The following TCF4 variants were observed in gnomAD, a reference collection of about 807,000 sequenced individuals.
The protein encoded by TCF4 is transcription factor 4.
Under a neutral mutation model 82.1 loss-of-function variants are expected in TCF4, and 3 were observed. The observed-to-expected ratio is 0.04, with a 90% CI of 0.02 to 0.09. The LOEUF (loss-of-function observed/expected upper bound fraction) is 0.09, where lower values mean the gene tolerates loss of function less well. TCF4 is among the 10% of genes least tolerant of loss of function. The pLI is 1.00. For synonymous variants in TCF4, 276 were observed against 309.6 expected, an observed-to-expected ratio of 0.89 and a Z score of 1.14; for missense variants, 518 against 852.7, an observed-to-expected ratio of 0.61 and a Z score of 4.89.
chr18:55,314,478 A>G (rs2073525901), intron 8 of TCF4, among the ~76,000 whole-genome samples: 1 of 151,944 alleles, frequency 6.6e-6, no homozygotes, highest in Non-Finnish European at 1.5e-5. Context: ...TCAGTACTTA[A>G]CTGGATAGGG....
At chr18:55,619,641 A>C (rs2097715699) in intron 2 of TCF4, among the ~76,000 whole-genome samples, 1 of 152,180 alleles carries the variant, frequency 6.6e-6, no homozygotes, top group Non-Finnish European at 1.5e-5. Flanking sequence ...AAGTGCCTTA[A>C]TGTCCTTGTA....
chr18:55,513,555 AT>A (rs1241542281), intron 3 of TCF4, among the ~76,000 whole-genome samples: 1 of 152,060 alleles, frequency 6.6e-6, no homozygotes, highest in Non-Finnish European at 1.5e-5. Flanking sequence ...GCTTCTTATA[AT>A]TTTTCCATAA....
At chr18:55,590,784 A>G (rs1284845812), upstream of TCF4, among the ~76,000 whole-genome samples, 2 of 152,260 alleles carry the variant, frequency 1.3e-5, no homozygotes, top group African/African-American at 4.8e-5. Flanking sequence ...CAGTGTTCCT[A>G]TAACTTCACA....
At chr18:55,257,674 G>A (rs1340384587) in intron 13 of TCF4, among the ~76,000 whole-genome samples, 1 of 152,152 alleles carries the variant, frequency 6.6e-6, no homozygotes, top group East Asian at 1.9e-4. Flanking sequence ...GGTTCCTGTG[G>A]AAGAAAAACT....
At chr18:55,348,375 C>T (rs539194880) in intron 8 of TCF4, among the ~76,000 whole-genome samples, 52 of 152,184 alleles carry the variant, frequency 3.4e-4, no homozygotes, top group Non-Finnish European at 6.0e-4. Context: ...CAAAATGTTT[C>T]ATAAGGACCA....
At chr18:55,321,435 G>A in intron 8 of TCF4, 1 of 638,336 alleles carries the variant, frequency 1.6e-6, no homozygotes, top group Non-Finnish European at 2.7e-6. Flanking sequence ...ACTCTCTAAA[G>A]CTCTGAAAGC....
chr18:55,460,892 T>C, intron 5 of TCF4, 127 bp downstream of exon 5: 1 of 794,146 alleles, frequency 1.3e-6, no homozygotes. Flanking sequence ...AATTTAAGAT[T>C]ATTACAAGTG....
At chr18:55,511,702 A>G (rs1356566299) in intron 3 of TCF4, among the ~76,000 whole-genome samples, 3 of 152,138 alleles carry the variant, frequency 2.0e-5, no homozygotes, top group Non-Finnish European at 4.4e-5. Flanking sequence ...AGTTTTACCT[A>G]AACTAAATTA....
chr18:55,524,777 G>A (rs1057041428), intron 3 of TCF4, among the ~76,000 whole-genome samples: 1 of 152,068 alleles, frequency 6.6e-6, no homozygotes, highest in African/African-American at 2.4e-5. Context: ...TTTCCCATCT[G>A]GTGTGCTGCT....
intron 2 of TCF4, among the ~76,000 whole-genome samples, chr18:55,625,839 C>T (rs1026945784): frequency 1.6e-4 from 25 of 152,242 alleles, no homozygotes; most frequent in African/African-American, 5.5e-4. Flanking sequence ...TATATCCATC[C>T]AAATACGATT....
chr18:55,383,089 C>T (rs1390847991), intron 6 of TCF4, among the ~76,000 whole-genome samples: 2 of 152,170 alleles, frequency 1.3e-5, no homozygotes, highest in Admixed American at 6.5e-5. Flanking sequence ...AAAGGAGTTG[C>T]CTGAAATTTC....
intron 5 of TCF4, among the ~76,000 whole-genome samples, chr18:55,408,271 G>A (rs1328342596): frequency 6.6e-6 from 1 of 152,104 alleles, no homozygotes; most frequent in Non-Finnish European, 1.5e-5. Context: ...GATGCTGCAG[G>A]ACAACACCAA....
At chr18:55,484,171 G>A (rs942137090) in intron 3 of TCF4, among the ~76,000 whole-genome samples, 1 of 152,180 alleles carries the variant, frequency 6.6e-6, no homozygotes, top group Non-Finnish European at 1.5e-5. Context: ...TTGGATGAAA[G>A]ATGTTCTCTG....
At chr18:55,288,406 G>C (rs1175772633) in intron 8 of TCF4, among the ~76,000 whole-genome samples, 1 of 152,206 alleles carries the variant, frequency 6.6e-6, no homozygotes, top group Non-Finnish European at 1.5e-5. Flanking sequence ...TAAGGGATCT[G>C]AGGCACAGAG....
chr18:55,572,445 G>C (rs1454564781), intron 3 of TCF4, among the ~76,000 whole-genome samples: 2 of 152,080 alleles, frequency 1.3e-5, no homozygotes, highest in Non-Finnish European at 2.9e-5. Context: ...AGAGAGAGAG[G>C]TGGTCAACAG....
At chr18:55,460,927 A>G (rs1455646395) in intron 5 of TCF4, 92 bp downstream of exon 5, 1 of 1,141,328 alleles carries the variant, frequency 8.8e-7, no homozygotes, top group African/African-American at 1.5e-5. Flanking sequence ...CCAAGTTTCT[A>G]AAAGCAGAAC....
chr18:55,342,839 A>G (rs545336844), intron 8 of TCF4, among the ~76,000 whole-genome samples: 5 of 152,180 alleles, frequency 3.3e-5, no homozygotes, highest in Non-Finnish European at 5.9e-5. Context: ...AAACAGGGTT[A>G]CTTGAAAACA....
intron 8 of TCF4, among the ~76,000 whole-genome samples, chr18:55,312,866 G>T (rs1472639313): frequency 6.6e-6 from 1 of 152,006 alleles, no homozygotes. Flanking sequence ...TACGGCACAG[G>T]TCTTTTTCTC....
At position 55,283,819 on chromosome 18, in the gene TCF4, T is replaced by G. The variant is rs1261119; in HGVS notation, c.550-4163A>C. Among the ~76,000 whole-genome samples, 629 of 152,320 alleles carry G rather than the reference T, an allele frequency of 4.1e-3. 6 individuals are homozygous for G. Among genetic ancestry groups the G allele is most frequent in the African/African-American group, 0.015 (603 of 41,576 alleles). ...AAACTAGAATGGAACCTGGCACAGA[T>G]TAATCATACAAAAAACATCAGACAT... On this transcript the variant is annotated intron_variant, in intron 8 of 19. Coordinates refer to ENST00000354452, the MANE Select transcript of TCF4 (RefSeq NM_001083962.2).
Sources: allele counts gnomAD v4.1 joint callset (sites outside exome capture counted in the v4.1 genomes callset), GRCh38; gene constraint gnomAD v4.1.1; transcripts MANE v1.5; gene names NCBI Gene and HGNC (gene_info 2026-07-23, HGNC 2026-07-21).